NKAIN2: variants seen among roughly 807,000 people sequenced by gnomAD.
The protein encoded by NKAIN2 is sodium/potassium transporting ATPase interacting 2.
Under a neutral mutation model 32.6 loss-of-function variants are expected in NKAIN2, and 14 were observed. The ratio of observed to expected loss-of-function variants is 0.43; its 90% CI spans 0.28 to 0.67. The LOEUF (loss-of-function observed/expected upper bound fraction) is 0.67, where lower values mean the gene tolerates loss of function less well. Ranked by LOEUF, NKAIN2 falls within the 30% of genes least tolerant of loss-of-function variation. The pLI, the probability that NKAIN2 is intolerant of heterozygous loss-of-function variation, is 0.17. For synonymous variants in NKAIN2, 80 were observed against 87.2 expected (o/e 0.92, Z 0.46); for missense variants, 198 against 258.3 (o/e 0.77, Z 1.60).
At chr6:124,385,948 G>A (rs1450683111) in intron 3 of NKAIN2, among the ~76,000 whole-genome samples, 1 of 152,064 alleles carries the variant, frequency 6.6e-6, no homozygotes, top group Non-Finnish European at 1.5e-5. Flanking sequence ...TCAAGTTTAA[G>A]ACACTTATGT....
intron 4 of NKAIN2, among the ~76,000 whole-genome samples, chr6:124,717,787 T>C (rs1422119159): frequency 6.6e-6 from 1 of 152,214 alleles, no homozygotes; most frequent in Admixed American, 6.5e-5. Context: ...TTGTGTGTTC[T>C]GAAGATTCAT....
intron 3 of NKAIN2, among the ~76,000 whole-genome samples, chr6:124,382,092 T>A (rs1772669796): frequency 6.7e-6 from 1 of 148,266 alleles, no homozygotes; most frequent in South Asian, 2.2e-4. Flanking sequence ...CATTGTTAGA[T>A]TTATTATTGA....
intron 4 of NKAIN2, among the ~76,000 whole-genome samples, chr6:124,706,661 A>C (rs1001990531): frequency 6.6e-6 from 1 of 152,200 alleles, no homozygotes; most frequent in African/African-American, 2.4e-5. Context: ...GTCTCAGTAT[A>C]AATAAGTGGT....
At chr6:124,063,572 T>C (rs2114861425) in intron 1 of NKAIN2, among the ~76,000 whole-genome samples, 1 of 152,246 alleles carries the variant, frequency 6.6e-6, no homozygotes, top group South Asian at 2.1e-4. Flanking sequence ...TGTAAAGGAT[T>C]AGCCCAGTGG....
At chr6:124,174,520 A>T (rs1338770726) in intron 1 of NKAIN2, among the ~76,000 whole-genome samples, 1 of 152,178 alleles carries the variant, frequency 6.6e-6, no homozygotes, top group Non-Finnish European at 1.5e-5. Flanking sequence ...TGTTAAATAG[A>T]TACAGGGGTA....
chr6:124,781,408 C>T (rs55901581), intron 4 of NKAIN2, among the ~76,000 whole-genome samples: 29,572 of 151,978 alleles, frequency 0.19, 3,593 homozygotes, highest in African/African-American at 0.34. Flanking sequence ...ATATAGTGAA[C>T]AGTAATGGCA....
chr6:124,346,083 C>T (rs955721147), intron 2 of NKAIN2, among the ~76,000 whole-genome samples: 10 of 152,034 alleles, frequency 6.6e-5, no homozygotes, highest in Non-Finnish European at 1.5e-4. Flanking sequence ...GCCTTCATTT[C>T]GTTATGTACC....
At chr6:124,650,967 GA>G (rs1210827771) in intron 3 of NKAIN2, among the ~76,000 whole-genome samples, 1 of 152,154 alleles carries the variant, frequency 6.6e-6, no homozygotes, top group Non-Finnish European at 1.5e-5. Flanking sequence ...TTGAGCCTAT[GA>G]AATCAAAACA....
At position 124,049,961 on chromosome 6, in the gene NKAIN2, T is replaced by TA. The variant is rs531642991; in HGVS notation, c.55-233036dup. ...GGTCAAAGTTCTTGACTTAATAAGTTAAAAAAAACATATGCCGAGTTTTCT... is the reference window on the plus strand; with the variant it reads ...GGTCAAAGTTCTTGACTTAATAAGTTAAAAAAAAACATATGCCGAGTTTTCT... On this transcript the variant is annotated intron_variant, in intron 1 of 6. Transcript: ENST00000368417. 3.2e-3 allele frequency among the ~76,000 whole-genome samples: 484 copies of TA among 151,896 alleles called. 4 individuals are homozygous for TA. Among genetic ancestry groups the TA allele is most frequent in the Middle Eastern group, 0.024 (7 of 294 alleles).
chr6:124,130,762 G>T (rs1297110484), intron 1 of NKAIN2, among the ~76,000 whole-genome samples: 1 of 152,016 alleles, frequency 6.6e-6, no homozygotes, highest in African/African-American at 2.4e-5. Context: ...GAAAATAATT[G>T]TGTTTATGTA....
chr6:124,323,629 G>A (rs1016060896), intron 2 of NKAIN2, among the ~76,000 whole-genome samples: 1 of 151,944 alleles, frequency 6.6e-6, no homozygotes, highest in Non-Finnish European at 1.5e-5. Flanking sequence ...GGGTTTATTA[G>A]TATGTTCCAT....
intron 4 of NKAIN2, among the ~76,000 whole-genome samples, chr6:124,783,085 T>C (rs1779346919): frequency 6.6e-6 from 1 of 152,158 alleles, no homozygotes; most frequent in East Asian, 1.9e-4. Flanking sequence ...ACTACTGCTG[T>C]CAATACAGTT....
At chr6:124,163,275 ATGCT>A (rs1460958328) in intron 1 of NKAIN2, among the ~76,000 whole-genome samples, 1 of 151,994 alleles carries the variant, frequency 6.6e-6, no homozygotes, top group Non-Finnish European at 1.5e-5. Flanking sequence ...GCTGGTAAAC[ATGCT>A]TGAATTATAA....
intron 3 of NKAIN2, among the ~76,000 whole-genome samples, chr6:124,616,520 AG>A (rs1782907117): frequency 1.8e-5 from 2 of 110,496 alleles, no homozygotes. Context: ...CCTGGAGTGC[AG>A]TGGTGCGATC....
chr6:124,124,032 C>T (rs1187273603), intron 1 of NKAIN2, among the ~76,000 whole-genome samples: 3 of 152,078 alleles, frequency 2.0e-5, no homozygotes, highest in Non-Finnish European at 2.9e-5. Flanking sequence ...TTATTACTGC[C>T]TTTCACACTA....
At chr6:124,807,375 G>A (rs1780625796) in intron 5 of NKAIN2, among the ~76,000 whole-genome samples, 1 of 150,468 alleles carries the variant, frequency 6.6e-6, no homozygotes, top group African/African-American at 2.4e-5. Context: ...TGAACAACCT[G>A]CTCCTGAATG....
chr6:124,555,005 A>G (rs979448064), intron 3 of NKAIN2, among the ~76,000 whole-genome samples: 1 of 151,916 alleles, frequency 6.6e-6, no homozygotes, highest in East Asian at 1.9e-4. Context: ...TGTTTCCTGC[A>G]CTCCAGATGC....
chr6:124,422,548 C>T (rs932731794), intron 3 of NKAIN2, among the ~76,000 whole-genome samples: 1 of 151,930 alleles, frequency 6.6e-6, no homozygotes, highest in Non-Finnish European at 1.5e-5. Flanking sequence ...TCTAAATTTA[C>T]AAGTGAGATT....
At chr6:124,685,210 CAT>C (rs1026801010) in intron 4 of NKAIN2, among the ~76,000 whole-genome samples, 1 of 152,074 alleles carries the variant, frequency 6.6e-6, no homozygotes, top group African/African-American at 2.4e-5. Flanking sequence ...TTGAAGTAAA[CAT>C]GTGGAAGGTC....
Sources: allele counts gnomAD v4.1 joint callset (sites outside exome capture counted in the v4.1 genomes callset), GRCh38; gene constraint gnomAD v4.1.1; transcripts MANE v1.5; gene names NCBI Gene and HGNC (gene_info 2026-07-23, HGNC 2026-07-21).